ETV6: variants seen among roughly 807,000 people sequenced by gnomAD.
The protein encoded by ETV6 is ETS variant transcription factor 6.
Under a neutral mutation model 51.1 loss-of-function variants are expected in ETV6, and 16 were observed. The observed-to-expected ratio is 0.31, with a 90% confidence interval of 0.21 to 0.48. The LOEUF is 0.48. ETV6 is among the 20% of genes least tolerant of loss of function. ETV6 has a pLI of 0.99. For synonymous variants in ETV6, 240 were observed against 224.1 expected (o/e 1.07, Z -0.64); for missense variants, 458 against 594.8 (o/e 0.77, Z 2.39).
intron 2 of ETV6, among the ~76,000 whole-genome samples, chr12:11,808,552 G>A (rs1300294468): frequency 6.6e-6 from 1 of 152,086 alleles, no homozygotes; most frequent in Non-Finnish European, 1.5e-5. Context: ...AAGTAATCTA[G>A]AGATGATTTA....
chr12:11,867,897 G>C (rs1001120333), intron 4 of ETV6, among the ~76,000 whole-genome samples: 1 of 152,120 alleles, frequency 6.6e-6, no homozygotes, highest in African/African-American at 2.4e-5. Context: ...GCAGATTTCT[G>C]TCCTTCTGCA....
At chr12:11,782,080 A>G (rs1345387395) in intron 2 of ETV6, among the ~76,000 whole-genome samples, 3 of 152,254 alleles carry the variant, frequency 2.0e-5, no homozygotes, top group African/African-American at 4.8e-5. Context: ...ATGGTACTAC[A>G]TATCAATTGA....
At position 11,832,885 on chromosome 12, in the gene ETV6, A is replaced by T. The variant is rs1018153879; in HGVS notation, c.164-6255A>T. Among the ~76,000 whole-genome samples, 6 of 152,192 alleles carry T rather than the reference A, an allele frequency of 3.9e-5. 1 individual carries two copies. Among genetic ancestry groups the T allele is most frequent in the Admixed American group, 3.3e-4 (5 of 15,284 alleles). ...TCCAAAAGGAGGTGACTGGTGTGTC[A>T]CCAGGGTACTCCCATCTCAGCCCTA... is the stretch of plus-strand genomic sequence containing the variant. On this transcript the variant is annotated intron_variant, in intron 2 of 7. Coordinates refer to ENST00000396373, the MANE Select transcript of ETV6 (RefSeq NM_001987.5).
chr12:11,684,954 A>G (rs889920039), intron 1 of ETV6, among the ~76,000 whole-genome samples: 1 of 152,212 alleles, frequency 6.6e-6, no homozygotes, highest in African/African-American at 2.4e-5. Context: ...AACACAGTAG[A>G]TGACAGAGAG....
At chr12:11,652,997 T>C (rs991507131) in intron 1 of ETV6, among the ~76,000 whole-genome samples, 2 of 152,160 alleles carry the variant, frequency 1.3e-5, no homozygotes, top group Non-Finnish European at 2.9e-5. Flanking sequence ...CTGAGCCTTA[T>C]TGTTTCTCTA....
intron 2 of ETV6, among the ~76,000 whole-genome samples, chr12:11,822,476 T>TAAAC (rs1202883319): frequency 4.6e-5 from 7 of 152,246 alleles, no homozygotes; most frequent in African/African-American, 1.7e-4. Flanking sequence ...GTAGCATCAG[T>TAAAC]AAACATATAC....
chr12:11,785,358 C>G (rs893536107), intron 2 of ETV6, among the ~76,000 whole-genome samples: 2 of 152,178 alleles, frequency 1.3e-5, no homozygotes. Flanking sequence ...CACCCCTTCA[C>G]TTGTATACCC....
intron 1 of ETV6, among the ~76,000 whole-genome samples, chr12:11,665,628 A>G (rs141883436): frequency 3.1e-4 from 47 of 152,366 alleles, no homozygotes; most frequent in African/African-American, 1.1e-3. Flanking sequence ...AGCTTCTGTT[A>G]CGGACTTAAT....
chr12:11,836,212 T>C (rs894181254), intron 2 of ETV6, among the ~76,000 whole-genome samples: 3 of 152,248 alleles, frequency 2.0e-5, no homozygotes, highest in Non-Finnish European at 4.4e-5. Context: ...ACAACCTTTT[T>C]ATTCTATTGA....
At chr12:11,761,653 G>A (rs1341329705) in intron 2 of ETV6, among the ~76,000 whole-genome samples, 1 of 152,192 alleles carries the variant, frequency 6.6e-6, no homozygotes, top group African/African-American at 2.4e-5. Flanking sequence ...GCCAGAACAC[G>A]CTACAACAGG....
At chr12:11,807,527 G>A (rs1178132825) in intron 2 of ETV6, among the ~76,000 whole-genome samples, 3 of 152,188 alleles carry the variant, frequency 2.0e-5, no homozygotes, top group Non-Finnish European at 2.9e-5. Flanking sequence ...ACTGTGCTGT[G>A]AAAACTCAAA....
At chr12:11,691,467 C>T (rs374118170) in intron 1 of ETV6, among the ~76,000 whole-genome samples, 7 of 152,126 alleles carry the variant, frequency 4.6e-5, no homozygotes, top group South Asian at 4.1e-4. Flanking sequence ...TACTTTATTT[C>T]GCTTACATAT....
intron 1 of ETV6, among the ~76,000 whole-genome samples, chr12:11,709,098 G>A (rs916862040): frequency 3.9e-5 from 6 of 152,042 alleles, no homozygotes; most frequent in Admixed American, 2.6e-4. Flanking sequence ...TATTCTATAT[G>A]TAATATTTGA....
intron 2 of ETV6, among the ~76,000 whole-genome samples, chr12:11,764,673 T>G (rs747602767): frequency 4.6e-5 from 7 of 152,204 alleles, no homozygotes; most frequent in Non-Finnish European, 8.8e-5. Context: ...AGGAAAATCT[T>G]GACCCTTGGG....
intron 2 of ETV6, among the ~76,000 whole-genome samples, chr12:11,764,911 G>A (rs1055968592): frequency 1.9e-4 from 29 of 152,158 alleles, no homozygotes; most frequent in Non-Finnish European, 5.9e-5. Flanking sequence ...AACTTAAAGA[G>A]GAAAAGGAAC....
chr12:11,829,726 T>C (rs537755661), intron 2 of ETV6, among the ~76,000 whole-genome samples: 1 of 152,326 alleles, frequency 6.6e-6, no homozygotes, highest in Admixed American at 6.5e-5. Context: ...ACTGTGACTT[T>C]GGATCTGAAC....
chr12:11,851,777 A>G (rs1946559614), intron 3 of ETV6, among the ~76,000 whole-genome samples: 1 of 152,198 alleles, frequency 6.6e-6, no homozygotes, highest in South Asian at 2.1e-4. Flanking sequence ...GAACAAAGTC[A>G]AGGCAAAAAC....
At chr12:11,836,055 G>C (rs1447533198) in intron 2 of ETV6, among the ~76,000 whole-genome samples, 1 of 152,200 alleles carries the variant, frequency 6.6e-6, no homozygotes, top group Non-Finnish European at 1.5e-5. Context: ...GTAGTGCTTA[G>C]TAAATGACTA....
At chr12:11,735,881 T>G (rs1865694911) in intron 1 of ETV6, among the ~76,000 whole-genome samples, 2 of 152,246 alleles carry the variant, frequency 1.3e-5, no homozygotes, top group Admixed American at 1.3e-4. Flanking sequence ...ATTACAGGCG[T>G]GAACCATCGC....
Sources: allele counts gnomAD v4.1 joint callset (sites outside exome capture counted in the v4.1 genomes callset), GRCh38; gene constraint gnomAD v4.1.1; transcripts MANE v1.5; gene names NCBI Gene and HGNC (gene_info 2026-07-23, HGNC 2026-07-21).